The following LAMB1 variants were observed in gnomAD, a reference collection of about 807,000 sequenced individuals.
The protein encoded by LAMB1 is laminin subunit beta 1.
Under a neutral mutation model 222.3 loss-of-function variants are expected in LAMB1, and 121 were observed. The observed-to-expected ratio is 0.54, with a 90% CI of 0.47 to 0.63. The LOEUF is 0.63. Among genes scored for constraint, LAMB1 ranks in the 30% least tolerant of loss-of-function variants. LAMB1 has a pLI of 0.00. For missense variants in LAMB1, 2,172 were observed against 2,240.8 expected (o/e 0.97, Z 0.62); for synonymous variants, 794 against 807.2 (o/e 0.98, Z 0.28).
chr7:107,968,568 A>C (rs566405363), intron 13 of LAMB1, among the ~76,000 whole-genome samples: 2 of 152,318 alleles, frequency 1.3e-5, no homozygotes, highest in East Asian at 3.9e-4. Context: ...TGGGAGAGGC[A>C]GGCAGGGAAG....
chr7:107,967,415 C>T (rs1008718792), intron 13 of LAMB1, among the ~76,000 whole-genome samples: 8 of 152,190 alleles, frequency 5.3e-5, no homozygotes, highest in South Asian at 2.1e-4. Flanking sequence ...CTGTCTACCA[C>T]GGGCCAACCG....
intron 31 of LAMB1, 39 bp downstream of exon 31, chr7:107,929,025 A>T: frequency 6.3e-7 from 1 of 1,588,902 alleles, no homozygotes; most frequent in Non-Finnish European, 8.6e-7. Flanking sequence ...GTGTATATGT[A>T]GGTGTGTTCC....
chr7:107,944,409 T>C (rs1365607271), intron 24 of LAMB1, among the ~76,000 whole-genome samples: 1 of 152,152 alleles, frequency 6.6e-6, no homozygotes, highest in African/African-American at 2.4e-5. Flanking sequence ...TTCGGCTCTC[T>C]CCAGAAGTCA....
chr7:107,986,718 G>A (rs554163219), intron 5 of LAMB1, among the ~76,000 whole-genome samples: 4 of 152,210 alleles, frequency 2.6e-5, no homozygotes, highest in East Asian at 1.9e-4. Flanking sequence ...TCCTTCATTC[G>A]TTCATTTAAT....
rs774844773 is a variant in LAMB1 at position 107,975,274 on chromosome 7, G to A, written c.1329C>T (p.Gly443=). The A allele has an allele frequency of 1.2e-6, 2 of 1,614,006 alleles. No homozygotes were observed. The highest frequency in any genetic ancestry group is 2.2e-5 in the South Asian group (2 of 91,018). Residue 443 remains glycine, a synonymous_variant, in exon 11 of 34, where the codon GGC becomes GGT. Transcript: ENST00000222399. Reference sequence around the variant, plus strand: ...GATCTTCACTGCTTAAATCATAGAAGCCTTCTTTGCAAACATCACAATGTT... The same window carrying A: ...GATCTTCACTGCTTAAATCATAGAAACCTTCTTTGCAAACATCACAATGTT... The part of the protein sequence containing the change: ...EGEHCDVCKE[G]FYDLSSEDPF...
intron 26 of LAMB1, 26 bp downstream of exon 26, chr7:107,937,067 G>A: frequency 5.0e-6 from 8 of 1,585,388 alleles, no homozygotes; most frequent in Non-Finnish European, 6.9e-6. Flanking sequence ...CATTGTCTGG[G>A]ACTATTTGCA....
chr7:107,929,657 A>C, intron 29 of LAMB1, 38 bp from the exon 30 acceptor site: 1 of 1,541,026 alleles, frequency 6.5e-7, no homozygotes, highest in Non-Finnish European at 9.0e-7. Flanking sequence ...AGAGGTGAAA[A>C]GAATAGATGG....
intron 22 of LAMB1, among the ~76,000 whole-genome samples, chr7:107,952,978 A>G (rs996533921): frequency 2.0e-5 from 3 of 152,172 alleles, no homozygotes; most frequent in Non-Finnish European, 2.9e-5. Context: ...GGACAGCTAC[A>G]TGGTTTTTCT....
At chr7:107,944,021 C>T (rs569066118) in intron 24 of LAMB1, among the ~76,000 whole-genome samples, 3 of 152,298 alleles carry the variant, frequency 2.0e-5, no homozygotes, top group African/African-American at 7.2e-5. Context: ...TGAGGCAGCC[C>T]TCTGGGGCCT....
Position 107,998,387 on chromosome 7 carries a change from G to C in LAMB1, c.319C>G (p.Arg107Gly). 6.2e-7 allele frequency: 1 copy of C among 1,613,968 alleles called. No individual in the cohort carries two copies. Among genetic ancestry groups the C allele is most frequent in the Non-Finnish European group, 8.5e-7 (1 of 1,179,960 alleles). The change falls in exon 4 of 34, where the codon CGC (arginine) becomes GGC (glycine). Residue 107 changes from arginine to glycine, a missense_variant. Arg to Gly is a moderately radical substitution (Grantham distance 125, BLOSUM62 -2). Coordinates refer to ENST00000222399, the MANE Select transcript of LAMB1 (RefSeq NM_002291.3). ...ENVVTTFAPN[R>G]LKIWWQSENG... ...TCAGATTGCCACCAAATCTTAAGGCGGTTTGGAGCAAATGTAGTGACCACA... is the reference window on the plus strand; with the variant it reads ...TCAGATTGCCACCAAATCTTAAGGCCGTTTGGAGCAAATGTAGTGACCACA...
intron 13 of LAMB1, among the ~76,000 whole-genome samples, chr7:107,971,726 A>G (rs2033752584): frequency 6.6e-6 from 1 of 152,192 alleles, no homozygotes; most frequent in Admixed American, 6.5e-5. Context: ...ATTTTTGCAC[A>G]AGAGATTAGA....
intron 20 of LAMB1, among the ~76,000 whole-genome samples, chr7:107,957,337 G>A (rs1397710446): frequency 6.6e-6 from 1 of 152,202 alleles, no homozygotes; most frequent in Non-Finnish European, 1.5e-5. Context: ...GTTGCAGTGA[G>A]CCAAGATCGC....
Position 107,953,644 on chromosome 7 carries a change from C to T in LAMB1, c.2965G>A (p.Ala989Thr), listed in dbSNP as rs2116401855. ...HNNIDTTDPE[A>T]CDKETGRCLK... is the part of the protein sequence containing the mutation. The stretch of plus-strand genomic sequence containing the variant: ...CACCTCCCAGTCTCCTTGTCACAGG[C>T]TTCTGGGTCTGTCGTGTCAATGTTG... Residue 989 changes from alanine (A) to threonine (T), a missense_variant, in exon 22 of 34, where the codon GCC (alanine) becomes ACC (threonine). Ala to Thr is a moderately conservative substitution (Grantham distance 58, BLOSUM62 0). Transcript: ENST00000222399. The T allele has an allele frequency of 6.2e-7, 1 of 1,614,178 alleles. No individual in the cohort carries two copies. The highest frequency in any genetic ancestry group is 2.2e-5 in the East Asian group (1 of 44,868).
At chr7:107,932,436 C>A in intron 27 of LAMB1, 59 bp from the exon 28 acceptor site, 1 of 1,557,702 alleles carries the variant, frequency 6.4e-7, no homozygotes, top group Non-Finnish European at 8.9e-7. Context: ...TGCAGCAAAA[C>A]AGCTGTGCAG....
chr7:108,001,832 G>A (rs1459446115), intron 2 of LAMB1, 99 bp from the exon 3 acceptor site: 2 of 1,545,666 alleles, frequency 1.3e-6, no homozygotes, highest in Non-Finnish European at 1.8e-6. Flanking sequence ...TGCGGAGAGA[G>A]GACAGTCCAT....
At chr7:107,932,731 TA>T (rs34341036) in intron 27 of LAMB1, 432 of 258,906 alleles carry the variant, frequency 1.7e-3, no homozygotes, top group Middle Eastern at 4.1e-3. Context: ...AGTTAGAGTT[TA>T]AAAAAAAAAC....
At chr7:107,960,802 A>G (rs986233645) in intron 17 of LAMB1, among the ~76,000 whole-genome samples, 153 bp from the exon 18 acceptor site, 1 of 152,222 alleles carries the variant, frequency 6.6e-6, no homozygotes, top group Non-Finnish European at 1.5e-5. Flanking sequence ...CCCTATTCCT[A>G]AATACTCTTG....
rs2033311911 is a variant in LAMB1 at position 107,953,714 on chromosome 7, A to AT, written c.2894dup (p.Asn965LysfsTer19). The stretch of plus-strand genomic sequence containing the variant: ...GACACGACCCCCCAACTTCTGATGG[A>AT]TTGCCAAAGTATCCTGAGGCACAGT... On this transcript the variant is annotated frameshift_variant, in exon 22 of 34. Coordinates refer to ENST00000222399, the MANE Select transcript of LAMB1 (RefSeq NM_002291.3). LOFTEE classifies it high-confidence loss of function. 2 of 1,614,126 alleles carry AT rather than the reference A, an allele frequency of 1.2e-6. No homozygotes were observed. The highest frequency in any genetic ancestry group is 1.7e-6 in the Non-Finnish European group (2 of 1,180,018).
Position 107,929,472 on chromosome 7 carries a change from T to C in LAMB1, c.4685A>G (p.Gln1562Arg), listed in dbSNP as rs550330536. ...TCTGGCAATGTCAGCAGCACTATGCTGAAGAATAACCTCTACTTGAGAAAG... is the reference window on the plus strand; with the variant it reads ...TCTGGCAATGTCAGCAGCACTATGCCGAAGAATAACCTCTACTTGAGAAAG... ...ESLSQVEVIL[Q>R]HSAADIARAE... The change falls in exon 30 of 34, where the codon CAG becomes CGG. Residue 1562 changes from glutamine to arginine, a missense_variant. By Grantham distance (43) the Gln-to-Arg change is conservative (BLOSUM62 1). Transcript: ENST00000222399. 1 of 1,614,198 alleles carries C rather than the reference T, an allele frequency of 6.2e-7. No individual in the cohort carries two copies. Among genetic ancestry groups the C allele is most frequent in the African/African-American group, 1.3e-5 (1 of 75,070 alleles).
Sources: allele counts gnomAD v4.1 joint callset (sites outside exome capture counted in the v4.1 genomes callset), GRCh38; gene constraint gnomAD v4.1.1; transcripts MANE v1.5; gene names NCBI Gene and HGNC (gene_info 2026-07-23, HGNC 2026-07-21).